DDHD1: variants seen among roughly 807,000 people sequenced by gnomAD.
The protein encoded by DDHD1 is phospholipase DDHD1.
A neutral mutation model predicts 96.4 loss-of-function variants in DDHD1; 49 were observed. That is an observed-to-expected ratio of 0.51 (90% confidence interval 0.40 to 0.64). DDHD1 has a LOEUF of 0.64. Among genes scored for constraint, DDHD1 ranks in the 30% least tolerant of loss-of-function variants. DDHD1 has a pLI of 0.00. For synonymous variants in DDHD1, 442 were observed against 446.5 expected (o/e 0.99, Z 0.13); for missense variants, 1,106 against 1,161.2 (o/e 0.95, Z 0.69).
At chr14:53,103,944 A>AT in intron 1 of DDHD1, 88 bp from the exon 2 acceptor site, 1 of 1,209,972 alleles carries the variant, frequency 8.3e-7, no homozygotes, top group Non-Finnish European at 1.1e-6. Context: ...ATATTTTGCT[A>AT]CTGCTGTCAC....
chr14:53,047,635 T>C (rs1882136426), intron 12 of DDHD1, among the ~76,000 whole-genome samples: 1 of 152,134 alleles, frequency 6.6e-6, no homozygotes, highest in African/African-American at 2.4e-5. Flanking sequence ...GCAGTGGTGA[T>C]TCTTGGGAGG....
intron 2 of DDHD1, among the ~76,000 whole-genome samples, chr14:53,102,319 C>G (rs1887364050): frequency 6.6e-6 from 1 of 151,980 alleles, no homozygotes; most frequent in African/African-American, 2.4e-5. Flanking sequence ...TATTACATGG[C>G]AATCTGTAGA....
chr14:53,075,333 A>T (rs1278534820), intron 4 of DDHD1, among the ~76,000 whole-genome samples: 2 of 152,160 alleles, frequency 1.3e-5, no homozygotes, highest in East Asian at 3.9e-4. Context: ...AAAAAGCCTT[A>T]TTGTTGATAA....
In DDHD1 at chr14:53,063,091, A is replaced by C. The variant is rs1386709553; in HGVS notation, c.1618T>G (p.Cys540Gly). The change falls in exon 7 of 13, where the codon TGT (cysteine) becomes GGT (glycine). Residue 540 changes from cysteine to glycine, a missense_variant. By Grantham distance (159) the Cys-to-Gly change is radical (BLOSUM62 -3). Around this residue, in one of 2 missense-constraint regions of DDHD1, gnomAD observed 650 missense variants for 758.8 expected, o/e 0.86. Coordinates refer to ENST00000673822, the MANE Select transcript of DDHD1 (RefSeq NM_001160148.2). ...GTCATTATGTCATAAGTAATTACAC[A>C]TCCCAAGGAATGTGATACTATTGAG... is the stretch of plus-strand genomic sequence containing the variant. The part of the protein sequence containing the change: ...KVSIVSHSLG[C>G]VITYDIMTGW... 6 of 1,614,012 alleles carry C rather than the reference A, an allele frequency of 3.7e-6. No homozygotes were observed. Among genetic ancestry groups the C allele is most frequent in the Non-Finnish European group, 8.5e-7 (1 of 1,180,010 alleles).
At chr14:53,136,275 T>C (rs983845330) in intron 1 of DDHD1, among the ~76,000 whole-genome samples, 3 of 152,342 alleles carry the variant, frequency 2.0e-5, no homozygotes, top group Admixed American at 6.5e-5. Context: ...AACAGCCTTG[T>C]TGCTCACACA....
intron 12 of DDHD1, among the ~76,000 whole-genome samples, chr14:53,047,772 CTA>C: frequency 6.6e-6 from 1 of 152,152 alleles, no homozygotes; most frequent in Non-Finnish European, 1.5e-5. Context: ...AATCAAGGCT[CTA>C]AAATAATTCC....
At chr14:53,148,668 C>T (rs1020478393) in intron 1 of DDHD1, among the ~76,000 whole-genome samples, 1 of 152,188 alleles carries the variant, frequency 6.6e-6, no homozygotes, top group Non-Finnish European at 1.5e-5. Context: ...TTCCATATGC[C>T]TTCCCATCTG....
chr14:53,054,435 A>C lies in DDHD1; in HGVS notation c.2437+3T>G. On this transcript the variant is annotated splice_donor_region_variant and intron_variant, in intron 11 of 12. Transcript: ENST00000673822. ...AACTTAAGGAAATAATGTATGAACT[A>C]ACATGCAGAATCGAGGAAGCCAGAA... 1 of 1,613,112 alleles carries C rather than the reference A, an allele frequency of 6.2e-7. No individual in the cohort carries two copies. Among genetic ancestry groups the C allele is most frequent in the Non-Finnish European group, 8.5e-7 (1 of 1,179,202 alleles).
chr14:53,059,171 G>A (rs1488398362), intron 8 of DDHD1, among the ~76,000 whole-genome samples: 1 of 152,202 alleles, frequency 6.6e-6, no homozygotes, highest in Non-Finnish European at 1.5e-5. Flanking sequence ...GTGCTGGAAA[G>A]AATAACATTC....
intron 1 of DDHD1, among the ~76,000 whole-genome samples, chr14:53,113,570 A>G (rs938684753): frequency 7.2e-5 from 11 of 152,002 alleles, no homozygotes; most frequent in African/African-American, 2.7e-4. Context: ...CATTGGAAAA[A>G]TGAACCCACG....
chr14:53,071,555 A>C (rs1425223334), intron 6 of DDHD1, among the ~76,000 whole-genome samples: 2 of 152,066 alleles, frequency 1.3e-5, no homozygotes, highest in African/African-American at 4.8e-5. Context: ...TGTAGACCAT[A>C]TTCTTAGTTC....
Position 53,153,265 on chromosome 14 carries a change from A to G in DDHD1, c.-167T>C. On this transcript the variant is annotated 5_prime_UTR_variant, in exon 1 of 13. Coordinates refer to ENST00000673822, the MANE Select transcript of DDHD1 (RefSeq NM_001160148.2). ...ACCGCTCCGCCCCCACGAGACCCGC[A>G]GCCGCCGCAGCTGCGTTCTGCCGCC... is the stretch of plus-strand genomic sequence containing the variant. 1 of 517,588 alleles carries G rather than the reference A, an allele frequency of 1.9e-6. No individual in the cohort carries two copies. Among genetic ancestry groups the G allele is most frequent in the Non-Finnish European group, 3.1e-6 (1 of 326,044 alleles). The allele number at this position is 517,588 out of a possible 1,614,324, so 32.1% of individuals were successfully genotyped here.
At chr14:53,124,936 C>T (rs534938412) in intron 1 of DDHD1, among the ~76,000 whole-genome samples, 25 of 152,210 alleles carry the variant, frequency 1.6e-4, no homozygotes, top group African/African-American at 6.0e-4. Context: ...AGATGGTCAT[C>T]TTCTTGCTGT....
Position 53,058,480 on chromosome 14 carries a change from TG to T in DDHD1, c.1988del (p.Pro663GlnfsTer6). On this transcript the variant is annotated frameshift_variant, in exon 9 of 13. Coordinates refer to ENST00000673822, the MANE Select transcript of DDHD1 (RefSeq NM_001160148.2). LOFTEE classifies it high-confidence loss of function. ...RLLNIFHPTD[P>X]VAYRLEPLIL... ...AAGAGTCTATATTGCAACTCACCAC[TG>T]GATCTGTAGGATGAAAAATATTTAG... 4 of 1,608,006 alleles carry T rather than the reference TG, an allele frequency of 2.5e-6. No individual in the cohort carries two copies. The highest frequency in any genetic ancestry group is 2.7e-5 in the African/African-American group (2 of 74,556).
chr14:53,082,272 A>G (rs1885530870), intron 4 of DDHD1, among the ~76,000 whole-genome samples: 1 of 152,206 alleles, frequency 6.6e-6, no homozygotes, highest in Non-Finnish European at 1.5e-5. Flanking sequence ...GAATTACTGT[A>G]CAACTGAGGA....
At chr14:53,127,149 T>C (rs935886505) in intron 1 of DDHD1, among the ~76,000 whole-genome samples, 1 of 152,208 alleles carries the variant, frequency 6.6e-6, no homozygotes, top group Non-Finnish European at 1.5e-5. Context: ...GAAATTTATT[T>C]AGAAAATCAT....
intron 10 of DDHD1, 80 bp from the exon 11 acceptor site, chr14:53,054,709 C>G: frequency 7.1e-7 from 1 of 1,414,714 alleles, no homozygotes; most frequent in South Asian, 1.4e-5. Context: ...ATAATTATAG[C>G]CAACTGGCAG....
intron 2 of DDHD1, 58 bp downstream of exon 2, chr14:53,103,625 A>G: frequency 7.2e-7 from 1 of 1,382,738 alleles, no homozygotes; most frequent in Non-Finnish European, 9.6e-7. Context: ...ACCACTCTAA[A>G]CTTTATCAAC....
At chr14:53,090,370 C>A (rs1886329972) in intron 4 of DDHD1, among the ~76,000 whole-genome samples, 1 of 152,214 alleles carries the variant, frequency 6.6e-6, no homozygotes, top group Non-Finnish European at 1.5e-5. Context: ...CATTCCATGA[C>A]TGGGTATATA....
Sources: gnomAD v4.1 joint callset for allele counts (sites outside exome capture counted in the v4.1 genomes callset) on GRCh38, gnomAD v4.1.1 for gene constraint, gnomAD v4.1.1 regional missense constraint, MANE v1.5 for transcripts, NCBI Gene and HGNC (gene_info 2026-07-23, HGNC 2026-07-21) for gene names.